Variants in FASN observed in about 807,000 individuals in gnomAD.
The protein encoded by FASN is 3-hydroxyacyl-[acyl-carrier-protein] dehydratase.
A neutral mutation model predicts 250.0 loss-of-function variants in FASN; 50 were observed. The observed-to-expected ratio is 0.20, with a 90% CI of 0.16 to 0.25. FASN has a LOEUF of 0.25. FASN is among the 10% of genes least tolerant of loss of function. The pLI is 1.00. For missense variants in FASN, 3,031 were observed against 3,498.5 expected (o/e 0.87, Z 3.37); for synonymous variants, 1,909 against 1,584.0 (o/e 1.21, Z -4.87).
At position 82,087,335 on chromosome 17, in the gene FASN, G is replaced by A. The variant is rs773652237; in HGVS notation, c.3213C>T (p.Asp1071=). ...CTGGGGCGGGGCTACCTTGGGCCTT[G>A]TCCTGCAGTGTGTACAGCTTCTGCC... ...THRQKLYTLQ[D]KAQVADVVVS... Residue 1071 remains aspartate, a synonymous_variant, in exon 20 of 43, where the codon GAC becomes GAT. Coordinates refer to ENST00000306749, the MANE Select transcript of FASN (RefSeq NM_004104.5). 3.7e-6 allele frequency: 6 copies of A among 1,611,650 alleles called. No homozygotes were observed. Among genetic ancestry groups the A allele is most frequent in the Admixed American group, 3.3e-5 (2 of 59,984 alleles).
rs780170256 is a variant in FASN at position 82,087,439 on chromosome 17, A to G, written c.3109T>C (p.Ser1037Pro). The G allele has an allele frequency of 2.5e-6, 4 of 1,612,650 alleles. No homozygotes were observed. Among genetic ancestry groups the G allele is most frequent in the South Asian group, 1.1e-5 (1 of 91,088 alleles). The part of the protein sequence containing the change: ...VSFMDTMLQM[S>P]ILGSAKHGLY... ...CCGTGCTTGGCCGAGCCCAGGATGG[A>G]CATCTGCAGCATGGTGTCCATGAAG... Residue 1037 changes from serine to proline, a missense_variant, in exon 20 of 43, where the codon TCC becomes CCC. Transcript: ENST00000306749.
In FASN at chr17:82,083,598, G is replaced by T. The variant is rs2034031385; in HGVS notation, c.5260C>A (p.Gln1754Lys). ...VLNSLAEEKL[Q>K]ASVRCLATHG... ...GTAGCCAAGCACCTCACGCTGGCCT[G>T]CAGCTTCTCTTCCGCCAAGGAGTTC... is the stretch of plus-strand genomic sequence containing the variant. Residue 1754 changes from glutamine (Q) to lysine (K), a missense_variant, in exon 31 of 43, where the codon CAG becomes AAG. Coordinates refer to ENST00000306749, the MANE Select transcript of FASN (RefSeq NM_004104.5). The T allele has an allele frequency of 1.9e-6, 3 of 1,611,978 alleles. No homozygotes were observed. Among genetic ancestry groups the T allele is most frequent in the Non-Finnish European group, 2.5e-6 (3 of 1,179,628 alleles).
intron 37 of FASN, 30 bp downstream of exon 37, chr17:82,081,571 C>T (rs553370262): frequency 2.5e-6 from 4 of 1,610,322 alleles, no homozygotes; most frequent in African/African-American, 2.7e-5. Context: ...AGGGGAAACA[C>T]CTGGCGCGGC....
Position 82,080,934 on chromosome 17 carries a change from G to T in FASN, c.6596-12C>A. On this transcript the variant is annotated splice_polypyrimidine_tract_variant and intron_variant, in intron 38 of 42. Transcript: ENST00000306749. ...GGGGCATGCCAGCTCTGTGAAGACA[G>T]GGGCAGATGCCAGGCTGGTCTGGGT... 6.3e-7 allele frequency: 1 copy of T among 1,595,494 alleles called. No homozygotes were observed.
Position 82,091,624 on chromosome 17 carries a change from G to C in FASN, c.1090C>G (p.Pro364Ala). 6.3e-7 allele frequency: 1 copy of C among 1,597,112 alleles called. No homozygotes were observed. The highest frequency in any genetic ancestry group is 1.1e-5 in the South Asian group (1 of 88,262). Residue 364 changes from proline to alanine, a missense_variant, in exon 9 of 43, where the codon CCT becomes GCT. Pro to Ala is a conservative substitution (Grantham distance 27). Transcript: ENST00000306749. ...CCATCCAACAGCGCTGGGATCTCAG[G>C]GTTGGGGCTATGGAAGTGCAGGTTG... ...APNLHFHSPNPEIPALLDGRL... is the reference protein window; with the variant it reads ...APNLHFHSPNAEIPALLDGRL...
At chr17:82,093,083 G>C in intron 5 of FASN, 64 bp from the exon 6 acceptor site, 1 of 1,600,930 alleles carries the variant, frequency 6.2e-7, no homozygotes. Flanking sequence ...CCACCAGGAG[G>C]AGCTCTGGGG....
chr17:82,084,268 A>G lies in FASN; in HGVS notation c.4885T>C (p.Ser1629Pro). 1.2e-6 allele frequency: 2 copies of G among 1,612,126 alleles called. No homozygotes were observed. Among genetic ancestry groups the G allele is most frequent in the Non-Finnish European group, 1.7e-6 (2 of 1,179,668 alleles). ...AKGLATSVLL[S>P]PDFLWDVPSN... Reference sequence around the variant, plus strand: ...GGCACATCCCAGAGGAAGTCCGGTGACAGCAGGACAGAGGTGGCCAGGCCC... The same window carrying G: ...GGCACATCCCAGAGGAAGTCCGGTGGCAGCAGGACAGAGGTGGCCAGGCCC... Residue 1629 changes from serine to proline, a missense_variant, in exon 28 of 43, where the codon TCA becomes CCA. Coordinates refer to ENST00000306749, the MANE Select transcript of FASN (RefSeq NM_004104.5).
intron 10 of FASN, 25 bp from the exon 11 acceptor site, chr17:82,090,589 G>A (rs1202626877): frequency 1.9e-6 from 3 of 1,601,274 alleles, no homozygotes; most frequent in South Asian, 1.1e-5. Flanking sequence ...GGACACTCAG[G>A]TTGCAACCTC....
At chr17:82,092,639 G>T in intron 7 of FASN, 50 bp from the exon 8 acceptor site, 2 of 1,581,452 alleles carry the variant, frequency 1.3e-6, no homozygotes, top group Non-Finnish European at 1.7e-6. Flanking sequence ...ACCTCTCCAG[G>T]CATGGGCGTA....
Position 82,085,531 on chromosome 17 carries a change from G to C in FASN, c.4073C>G (p.Ala1358Gly), listed in dbSNP as rs774962383. ...LRGHPLGDIV[A>G]FLTSTEPQYG... is the part of the protein sequence containing the mutation. ...CTGCGGCTCAGTGGAGGTGAGGAAG[G>C]CCACGATGTCCCCGAGGGGGTGCCC... The change falls in exon 23 of 43, where the codon GCC becomes GGC. Residue 1358 changes from alanine (A) to glycine (G), a missense_variant. Transcript: ENST00000306749. 1 of 1,596,300 alleles carries C rather than the reference G, an allele frequency of 6.3e-7. No homozygotes were observed. Among genetic ancestry groups the C allele is most frequent in the African/African-American group, 1.3e-5 (1 of 74,644 alleles).
Position 82,080,568 on chromosome 17 carries a change from G to T in FASN, c.6849C>A (p.His2283Gln). The T allele has an allele frequency of 1.9e-6, 3 of 1,558,128 alleles. No homozygotes were observed. Among genetic ancestry groups the T allele is most frequent in the Non-Finnish European group, 2.6e-6 (3 of 1,151,880 alleles). Residue 2283 changes from histidine to glutamine, a missense_variant, in exon 40 of 43, where the codon CAC (histidine) becomes CAA (glutamine). Physicochemically the swap from His to Gln is conservative, Grantham distance 24. Coordinates refer to ENST00000306749, the MANE Select transcript of FASN (RefSeq NM_004104.5). Reference protein sequence around the residue: ...CTRAAPLDSIHSLAAYYIDCI... With the variant: ...CTRAAPLDSIQSLAAYYIDCI... ...AGTCGATGTAGTAGGCAGCCAGGCTGTGGATGCTGTCAAGGGGCGCAGCTG... is the reference window on the plus strand; with the variant it reads ...AGTCGATGTAGTAGGCAGCCAGGCTTTGGATGCTGTCAAGGGGCGCAGCTG...
Position 82,087,033 on chromosome 17 carries a change from C to T in FASN, c.3427+17G>A, listed in dbSNP as rs1325954421. The T allele has an allele frequency of 6.2e-7, 1 of 1,610,280 alleles. No homozygotes were observed. Among genetic ancestry groups the T allele is most frequent in the Non-Finnish European group, 8.5e-7 (1 of 1,179,660 alleles). On this transcript the variant is annotated intron_variant, in intron 21 of 42. Transcript: ENST00000306749. ...CATCGCCAGAGGTGTCCGAAGCCAG[C>T]AGGGCTGGGACCTCACCCTTGCACA...
At chr17:82,089,814 G>A in intron 11 of FASN, 88 bp from the exon 12 acceptor site, 1 of 1,172,248 alleles carries the variant, frequency 8.5e-7, no homozygotes, top group Non-Finnish European at 1.2e-6. Flanking sequence ...GCAGCTGGGG[G>A]CAGTAATGAC....
chr17:82,090,253 C>A, intron 11 of FASN, 122 bp downstream of exon 11: 1 of 980,956 alleles, frequency 1.0e-6, no homozygotes, highest in African/African-American at 1.6e-5. Context: ...AGCTGGGTGT[C>A]CCCGGGCCAG....
rs761339219 is a variant in FASN at position 82,085,636 on chromosome 17, C to G, written c.3968G>C (p.Gly1323Ala). ...LVCNCAVAALGDPASALSNMV... is the reference protein window; with the variant it reads ...LVCNCAVAALADPASALSNMV... The stretch of plus-strand genomic sequence containing the variant: ...GTTGCTGAGAGCTGAGGCCGGGTCC[C>G]CGAGGGCAGCCACAGCACAGTTGCA... The change falls in exon 23 of 43, where the codon GGG becomes GCG. Residue 1323 changes from glycine (G) to alanine (A), a missense_variant. By Grantham distance (60) the Gly-to-Ala change is moderately conservative. Transcript: ENST00000306749. 6 of 1,595,238 alleles carry G rather than the reference C, an allele frequency of 3.8e-6. No homozygotes were observed. Among genetic ancestry groups the G allele is most frequent in the African/African-American group, 1.3e-5 (1 of 74,480 alleles).
chr17:82,079,598 G>A lies in FASN; in HGVS notation c.7157C>T (p.Ala2386Val), dbSNP rs557341414. Residue 2386 changes from alanine to valine, a missense_variant, in exon 42 of 43, where the codon GCG becomes GTG. Coordinates refer to ENST00000306749, the MANE Select transcript of FASN (RefSeq NM_004104.5). ...TDMEHNRVLE[A>V]LLPLKGLEER... ...CTCTAGGCCCTTCAGCGGCAGCAGC[G>A]CCTCCAGCACCTGTGGGGTCGGGCT... The A allele has an allele frequency of 6.7e-4, 1,075 of 1,600,166 alleles. 11 individuals carry two copies. The South Asian group carries it at 0.011, about 17-fold the overall frequency.
chr17:82,081,360 G>T lies in FASN; in HGVS notation c.6407-8C>A. 6.4e-7 allele frequency: 1 copy of T among 1,558,488 alleles called. No individual in the cohort carries two copies. Among genetic ancestry groups the T allele is most frequent in the Non-Finnish European group, 8.7e-7 (1 of 1,152,686 alleles). On this transcript the variant is annotated splice_polypyrimidine_tract_variant and splice_region_variant and intron_variant, in intron 37 of 42. Transcript: ENST00000306749. ...CAGCCAAGTCGCGGATGCCTGGAAG[G>T]GATGCGCCGGGTCGGCAACTCCAGA...
At chr17:82,084,483 T>C (rs2034051836) in intron 27 of FASN, 30 bp downstream of exon 27, 1 of 1,594,538 alleles carries the variant, frequency 6.3e-7, no homozygotes, top group Non-Finnish European at 8.5e-7. Context: ...CCCGGCCCAG[T>C]CCACTCCCAC....
At chr17:82,095,732 C>A (rs1339468184) in intron 2 of FASN, among the ~76,000 whole-genome samples, 1 of 152,210 alleles carries the variant, frequency 6.6e-6, no homozygotes, top group Admixed American at 6.5e-5. Flanking sequence ...GAGAGCTCGG[C>A]GGGAGTGAGG....
Sources: gnomAD v4.1 joint callset for allele counts (sites outside exome capture counted in the v4.1 genomes callset) on GRCh38, gnomAD v4.1.1 for gene constraint, MANE v1.5 for transcripts, NCBI Gene and HGNC (gene_info 2026-07-23, HGNC 2026-07-21) for gene names.